The following R3HDM2 variants were observed in gnomAD, a reference collection of about 807,000 sequenced individuals.
R3HDM2 encodes the protein R3H domain-containing protein 2.
Under a neutral mutation model 124.5 loss-of-function variants are expected in R3HDM2, and 38 were observed. The observed-to-expected ratio is 0.31, with a 90% CI of 0.24 to 0.40. The LOEUF (loss-of-function observed/expected upper bound fraction) is 0.40, where lower values mean the gene tolerates loss of function less well. Among genes scored for constraint, R3HDM2 ranks in the 10% least tolerant of loss-of-function variants. R3HDM2 has a pLI of 1.00. For synonymous variants in R3HDM2, 391 were observed against 448.0 expected (o/e 0.87, Z 1.61); for missense variants, 869 against 1,236.9 (o/e 0.70, Z 4.46).
chr12:57,294,701 C>T (rs1235988045), intron 10 of R3HDM2, among the ~76,000 whole-genome samples: 2 of 152,150 alleles, frequency 1.3e-5, no homozygotes, highest in African/African-American at 4.8e-5. Flanking sequence ...TCTTAGCTAA[C>T]CCGCAAATAA....
intron 1 of R3HDM2, among the ~76,000 whole-genome samples, chr12:57,412,889 C>T (rs1036824850): frequency 4.6e-5 from 7 of 151,964 alleles, no homozygotes; most frequent in African/African-American, 1.4e-4. Context: ...CAGTGGCTCA[C>T]GCCTGTAATC....
intron 2 of R3HDM2, chr12:57,341,179 T>C (rs1272335963): frequency 6.5e-6 from 1 of 152,954 alleles, no homozygotes. Context: ...TATCTTTCCT[T>C]ATTTAGAAAA....
chr12:57,307,721 G>C (rs769005933), intron 3 of R3HDM2, among the ~76,000 whole-genome samples: 1 of 151,628 alleles, frequency 6.6e-6, no homozygotes, highest in Non-Finnish European at 1.5e-5. Context: ...CTGCCTCCCG[G>C]GTTCAAGCAT....
chr12:57,415,580 GAAAAA>G (rs60093547), intron 1 of R3HDM2, among the ~76,000 whole-genome samples: 1 of 144,830 alleles, frequency 6.9e-6, no homozygotes, highest in Non-Finnish European at 1.5e-5. Flanking sequence ...GCCAGGGGTG[GAAAAA>G]AAAAAAAAAA....
intron 2 of R3HDM2, among the ~76,000 whole-genome samples, chr12:57,319,442 T>G (rs2055913363): frequency 1.3e-5 from 2 of 152,144 alleles, no homozygotes; most frequent in Admixed American, 6.5e-5. Context: ...AGGGAAAGTC[T>G]TCACCTCCAG....
chr12:57,267,352 C>T (rs772247644), intron 18 of R3HDM2, among the ~76,000 whole-genome samples: 4 of 152,128 alleles, frequency 2.6e-5, no homozygotes, highest in Non-Finnish European at 5.9e-5. Flanking sequence ...GTCAGGAGTT[C>T]GAGACCAACC....
chr12:57,355,722 A>G (rs2061215881), intron 2 of R3HDM2, among the ~76,000 whole-genome samples: 2 of 152,164 alleles, frequency 1.3e-5, no homozygotes, highest in Admixed American at 6.5e-5. Context: ...ATTGTATTGA[A>G]TCTATGGACA....
At chr12:57,405,657 A>G (rs2068463273) in intron 1 of R3HDM2, among the ~76,000 whole-genome samples, 3 of 152,220 alleles carry the variant, frequency 2.0e-5, no homozygotes, top group African/African-American at 7.2e-5. Flanking sequence ...ACCAACCTAC[A>G]GTCCAAATGT....
chr12:57,360,851 G>C (rs907861168), intron 2 of R3HDM2, among the ~76,000 whole-genome samples: 2 of 151,844 alleles, frequency 1.3e-5, no homozygotes, highest in African/African-American at 4.8e-5. Context: ...GTCAGATCGA[G>C]ATCATCCTGG....
At chr12:57,409,512 C>CAAAAAA (rs71448520) in intron 1 of R3HDM2, among the ~76,000 whole-genome samples, 1 of 98,196 alleles carries the variant, frequency 1.0e-5, no homozygotes, top group Non-Finnish European at 2.1e-5. Context: ...AGAGGTGGGG[C>CAAAAAA]AAAAAAAAAA....
chr12:57,323,420 G>A (rs2056779975), intron 2 of R3HDM2, among the ~76,000 whole-genome samples: 1 of 152,162 alleles, frequency 6.6e-6, no homozygotes, highest in African/African-American at 2.4e-5. Flanking sequence ...CAGTCACCAA[G>A]CCCTTTAAGG....
chr12:57,313,209 T>C (rs1393459396), intron 2 of R3HDM2, among the ~76,000 whole-genome samples: 1 of 152,144 alleles, frequency 6.6e-6, no homozygotes, highest in Non-Finnish European at 1.5e-5. Context: ...TCTGAAGTAC[T>C]AGTAAAACTC....
Position 57,296,784 on chromosome 12 carries a change from C to G in R3HDM2, c.561-233G>C. 2.2e-6 allele frequency: 1 copy of G among 446,356 alleles called. No homozygotes were observed. Among genetic ancestry groups the G allele is most frequent in the Non-Finnish European group, 4.0e-6 (1 of 251,016 alleles). The allele number at this position is 446,356 out of a possible 1,614,324, so 27.6% of individuals were successfully genotyped here. ...CTTTCCTCATTAAGACTACTCATTG[C>G]TGGGTGCAGTGGCTCATGCCCGTAA... On this transcript the variant is annotated intron_variant, in intron 8 of 23. Coordinates refer to ENST00000402412, the MANE Select transcript of R3HDM2 (RefSeq NM_001394031.1). The surrounding 1 kb of genome is among the most constrained non-coding windows in gnomAD (Gnocchi z 4.5).
intron 2 of R3HDM2, among the ~76,000 whole-genome samples, chr12:57,390,012 C>T (rs943516099): frequency 6.6e-6 from 1 of 151,888 alleles, no homozygotes; most frequent in South Asian, 2.1e-4. Flanking sequence ...ATTTGGCTGC[C>T]GTTCCCTTTT....
chr12:57,312,037 G>A (rs1049929817), intron 2 of R3HDM2, among the ~76,000 whole-genome samples: 3 of 152,322 alleles, frequency 2.0e-5, no homozygotes, highest in African/African-American at 4.8e-5. Context: ...ACAGGTTACT[G>A]ACTGTACTTC....
In R3HDM2 at chr12:57,255,126, G is replaced by A. The variant is rs1185093581; in HGVS notation, c.2633-13C>T. ...ACCCGCCCCAGGACTGGAAGGGGAGGAGAGAGGACATGGTTGTGAGAGGAA... is the reference window on the plus strand; with the variant it reads ...ACCCGCCCCAGGACTGGAAGGGGAGAAGAGAGGACATGGTTGTGAGAGGAA... On this transcript the variant is annotated splice_polypyrimidine_tract_variant and intron_variant, in intron 23 of 23. Coordinates refer to ENST00000402412, the MANE Select transcript of R3HDM2 (RefSeq NM_001394031.1). 6.4e-7 allele frequency: 1 copy of A among 1,564,240 alleles called. No homozygotes were observed. Among genetic ancestry groups the A allele is most frequent in the African/African-American group, 1.4e-5 (1 of 73,988 alleles).
intron 1 of R3HDM2, among the ~76,000 whole-genome samples, chr12:57,410,431 C>T (rs1343735798): frequency 6.6e-6 from 1 of 151,120 alleles, no homozygotes; most frequent in East Asian, 1.9e-4. Context: ...GAATTCAATA[C>T]ATGCAAAACA....
intron 10 of R3HDM2, among the ~76,000 whole-genome samples, chr12:57,294,465 A>C (rs958483987): frequency 6.6e-6 from 1 of 152,122 alleles, no homozygotes; most frequent in Non-Finnish European, 1.5e-5. Context: ...CACAATAGAT[A>C]ATGGCACTTT....
intron 1 of R3HDM2, among the ~76,000 whole-genome samples, chr12:57,400,745 C>T (rs1274427256): frequency 6.6e-6 from 1 of 151,966 alleles, no homozygotes; most frequent in Non-Finnish European, 1.5e-5. Context: ...TAGTAACTCT[C>T]TATAACTAAC....
Sources: allele counts gnomAD v4.1 joint callset (sites outside exome capture counted in the v4.1 genomes callset), GRCh38; gene constraint gnomAD v4.1.1; non-coding constraint Gnocchi (gnomAD v3.1); transcripts MANE v1.5; gene names NCBI Gene and HGNC (gene_info 2026-07-23, HGNC 2026-07-21).